GREB1L: variants seen among roughly 807,000 people sequenced by gnomAD.
The protein encoded by GREB1L is GREB1 like retinoic acid receptor coactivator.
In GREB1L, 17 loss-of-function variants were observed where a neutral mutation model predicts 200.8. The ratio of observed to expected loss-of-function variants is 0.08; its 90% CI spans 0.06 to 0.13. The LOEUF (loss-of-function observed/expected upper bound fraction) is 0.13. Among genes scored for constraint, GREB1L ranks in the 10% least tolerant of loss-of-function variants. GREB1L has a pLI of 1.00. For synonymous variants in GREB1L, 789 were observed against 893.0 expected (o/e 0.88, Z 2.08); for missense variants, 1,657 against 2,367.7 (o/e 0.70, Z 6.23).
intron 15 of GREB1L, among the ~76,000 whole-genome samples, chr18:21,460,641 T>C (rs1187506573): frequency 5.3e-5 from 8 of 151,790 alleles, no homozygotes; most frequent in Admixed American, 4.6e-4. Context: ...TGCATAGCCC[T>C]TTTTTGATTG....
intron 1 of GREB1L, among the ~76,000 whole-genome samples, chr18:21,333,462 G>T (rs1367106449): frequency 6.6e-6 from 1 of 151,914 alleles, no homozygotes; most frequent in African/African-American, 2.4e-5. Context: ...ATCACCTGAG[G>T]TTGGGAGTTT....
intron 2 of GREB1L, among the ~76,000 whole-genome samples, chr18:21,372,150 CTTT>C (rs1010758595): frequency 4.3e-5 from 6 of 139,438 alleles, no homozygotes; most frequent in Admixed American, 1.5e-4. Flanking sequence ...ATTTGTCTCT[CTTT>C]TTTTTTTTTT....
At chr18:21,255,810 G>A (rs1196972351) in intron 1 of GREB1L, among the ~76,000 whole-genome samples, 2 of 152,078 alleles carry the variant, frequency 1.3e-5, no homozygotes, top group Non-Finnish European at 2.9e-5. Context: ...TTTAAGAGGA[G>A]GTACTATGGC....
intron 25 of GREB1L, among the ~76,000 whole-genome samples, chr18:21,506,935 A>G (rs2037042844): frequency 6.6e-6 from 1 of 152,216 alleles, no homozygotes; most frequent in Non-Finnish European, 1.5e-5. Flanking sequence ...GGCTCTGAAC[A>G]CACAGAAACA....
chr18:21,463,739 G>T (rs2035153071), intron 15 of GREB1L, among the ~76,000 whole-genome samples: 1 of 152,054 alleles, frequency 6.6e-6, no homozygotes, highest in African/African-American at 2.4e-5. Flanking sequence ...CACCACACTT[G>T]GCTAATTTTT....
At chr18:21,369,882 G>A (rs183049541) in intron 2 of GREB1L, among the ~76,000 whole-genome samples, 54 of 150,288 alleles carry the variant, frequency 3.6e-4, no homozygotes, top group Admixed American at 3.5e-3. Flanking sequence ...CCAGGAGGCG[G>A]AGGTTACAGT....
At chr18:21,253,018 A>G (rs1379563610) in intron 1 of GREB1L, among the ~76,000 whole-genome samples, 1 of 152,212 alleles carries the variant, frequency 6.6e-6, no homozygotes, top group African/African-American at 2.4e-5. Context: ...TTTAATTTTG[A>G]TATCAGTTGC....
At chr18:21,392,796 G>C (rs1372199769) in intron 4 of GREB1L, among the ~76,000 whole-genome samples, 1 of 151,586 alleles carries the variant, frequency 6.6e-6, no homozygotes, top group South Asian at 2.1e-4. Context: ...AATTTAGACA[G>C]GGTCTTGTTC....
intron 7 of GREB1L, among the ~76,000 whole-genome samples, chr18:21,425,548 A>G (rs2032498792): frequency 6.6e-6 from 1 of 152,176 alleles, no homozygotes; most frequent in Non-Finnish European, 1.5e-5. Flanking sequence ...ATCCTTACCA[A>G]CACTTGTTAA....
chr18:21,379,000 GCT>G (rs2040192201), intron 2 of GREB1L, among the ~76,000 whole-genome samples: 1 of 151,992 alleles, frequency 6.6e-6, no homozygotes, highest in Non-Finnish European at 1.5e-5. Flanking sequence ...CTTCCAAAGT[GCT>G]GGGATTCCAG....
At chr18:21,517,061 A>G (rs1324660108) in intron 30 of GREB1L, among the ~76,000 whole-genome samples, 1 of 151,962 alleles carries the variant, frequency 6.6e-6, no homozygotes, top group African/African-American at 2.4e-5. Context: ...TTTAGTAGAG[A>G]TGGGGTTTCA....
At chr18:21,494,961 A>G (rs898936398) in intron 19 of GREB1L, among the ~76,000 whole-genome samples, 13 of 152,338 alleles carry the variant, frequency 8.5e-5, no homozygotes, top group African/African-American at 2.9e-4. Context: ...ATGTGTGTTT[A>G]TATGAAAAAT....
intron 7 of GREB1L, among the ~76,000 whole-genome samples, chr18:21,414,481 C>A (rs1354658074): frequency 6.6e-6 from 1 of 152,122 alleles, no homozygotes; most frequent in Admixed American, 6.6e-5. Context: ...AAAATGTCTG[C>A]TTTTTACTGA....
Position 21,505,580 on chromosome 18 carries a change from A to G in GREB1L, c.4228+13A>G, listed in dbSNP as rs1370991764. On this transcript the variant is annotated intron_variant, in intron 24 of 32. Transcript: ENST00000424526. The stretch of plus-strand genomic sequence containing the variant: ...GGGGTCAAACAAGGTCAGTGCAATC[A>G]GCCAAGTTCACCTCCTCTCTGGGTT... 1.3e-6 allele frequency: 2 copies of G among 1,551,078 alleles called. No homozygotes were observed. Among genetic ancestry groups the G allele is most frequent in the Non-Finnish European group, 8.7e-7 (1 of 1,146,518 alleles).
chr18:21,386,314 CG>C (rs1012351859), intron 4 of GREB1L, among the ~76,000 whole-genome samples: 13 of 152,020 alleles, frequency 8.6e-5, no homozygotes, highest in Non-Finnish European at 1.6e-4. Context: ...TTATTTGAGA[CG>C]GAGTCTCACT....
intron 1 of GREB1L, among the ~76,000 whole-genome samples, chr18:21,281,724 TAGAA>T (rs1200730519): frequency 6.6e-6 from 1 of 152,326 alleles, no homozygotes; most frequent in East Asian, 1.9e-4. Flanking sequence ...TTATTAGAGA[TAGAA>T]AGCAGTTGAG....
intron 1 of GREB1L, among the ~76,000 whole-genome samples, chr18:21,282,080 C>T (rs192167407): frequency 1.1e-4 from 16 of 152,164 alleles, no homozygotes; most frequent in African/African-American, 3.9e-4. Context: ...TGAGACCAGC[C>T]TGAGTGACTT....
At chr18:21,393,675 C>T (rs1427574011) in intron 4 of GREB1L, among the ~76,000 whole-genome samples, 2 of 152,124 alleles carry the variant, frequency 1.3e-5, no homozygotes, top group Non-Finnish European at 2.9e-5. Context: ...ATGATCCGCC[C>T]GCTTCTGCCT....
intron 27 of GREB1L, 133 bp downstream of exon 27, chr18:21,508,724 A>G: frequency 1.3e-6 from 1 of 753,110 alleles, no homozygotes; most frequent in South Asian, 1.7e-5. Flanking sequence ...GGAAAAAAAA[A>G]AAAAAAAAAG....
Sources: allele counts gnomAD v4.1 joint callset (sites outside exome capture counted in the v4.1 genomes callset), GRCh38; gene constraint gnomAD v4.1.1; transcripts MANE v1.5; gene names NCBI Gene and HGNC (gene_info 2026-07-23, HGNC 2026-07-21).